The following PRRX2 variants were observed in gnomAD, a reference collection of about 807,000 sequenced individuals.
PRRX2 encodes paired mesoderm homeobox protein 2.
PRRX2 carries 11 observed loss-of-function variants against 18.0 expected under a neutral mutation model. The ratio of observed to expected loss-of-function variants is 0.61; its 90% CI spans 0.39 to 1.01. The LOEUF (loss-of-function observed/expected upper bound fraction) is 1.01, where lower values mean the gene tolerates loss of function less well. Among genes scored for constraint, PRRX2 ranks in the 50% least tolerant of loss-of-function variants. The pLI, the probability that PRRX2 is intolerant of heterozygous loss-of-function variation, is 0.01. For missense variants in PRRX2, 387 were observed against 351.0 expected (o/e 1.10, Z -0.82); for synonymous variants, 177 against 154.8 (o/e 1.14, Z -1.06).
intron 1 of PRRX2, 38 bp downstream of exon 1, chr9:129,666,164 G>A: frequency 2.0e-6 from 2 of 982,254 alleles, no homozygotes; most frequent in South Asian, 4.5e-5. Flanking sequence ...TGGCGGGGCC[G>A]GGGCCGGGGC....
rs768978462 is a variant in PRRX2 at position 129,709,057 on chromosome 9, C to T, written c.260-10174C>T. On this transcript the variant is annotated intron_variant, in intron 1 of 3. Transcript: ENST00000372469. The surrounding 1 kb of genome is among the most constrained non-coding windows in gnomAD (Gnocchi z 4.2). ...AGGAGACCTGCGCTTGTATGGGAGCCGGGAAGGCCTCTCAGGGCTGGGCAT... is the reference window on the plus strand; with the variant it reads ...AGGAGACCTGCGCTTGTATGGGAGCTGGGAAGGCCTCTCAGGGCTGGGCAT... Among the ~76,000 whole-genome samples, 156 of 152,272 alleles carry T rather than the reference C, an allele frequency of 1.0e-3. No homozygotes were observed. Among genetic ancestry groups the T allele is most frequent in the Non-Finnish European group, 1.9e-3 (130 of 68,014 alleles).
intron 1 of PRRX2, among the ~76,000 whole-genome samples, chr9:129,696,609 A>G (rs796544431): frequency 2.0e-5 from 3 of 152,330 alleles, no homozygotes; most frequent in African/African-American, 4.8e-5. Context: ...TTTTTAAAAA[A>G]TACATTTTAT....
At chr9:129,693,114 C>T (rs1478457920) in intron 1 of PRRX2, among the ~76,000 whole-genome samples, 1 of 152,094 alleles carries the variant, frequency 6.6e-6, no homozygotes, top group African/African-American at 2.4e-5. Flanking sequence ...TGGTATCTCA[C>T]TGTAGTTTTA....
chr9:129,691,002 T>C (rs1158052255), intron 1 of PRRX2, among the ~76,000 whole-genome samples: 1 of 151,986 alleles, frequency 6.6e-6, no homozygotes, highest in Non-Finnish European at 1.5e-5. Flanking sequence ...TTTAGAATTT[T>C]GGAAGCTGGT....
Position 129,695,690 on chromosome 9 carries a change from T to C in PRRX2, c.260-23541T>C, listed in dbSNP as rs1463219621. On this transcript the variant is annotated intron_variant, in intron 1 of 3. Coordinates refer to ENST00000372469, the MANE Select transcript of PRRX2 (RefSeq NM_016307.4). This position sits in a 1 kb window ranked among gnomAD's most constrained non-coding sequence, Gnocchi z 4.8. ...ACTTGGCTGGGAAGTCAAAAGGACT[T>C]TCCCGCTGCTTTCAGATGCTTAGGC... Among the ~76,000 whole-genome samples the C allele has an allele frequency of 6.6e-6, 1 of 152,230 alleles. No homozygotes were observed. Among genetic ancestry groups the C allele is most frequent in the Non-Finnish European group, 1.5e-5 (1 of 68,042 alleles).
At position 129,703,787 on chromosome 9, in the gene PRRX2, A is replaced by C. The variant is rs949013172; in HGVS notation, c.260-15444A>C. Among the ~76,000 whole-genome samples the C allele has an allele frequency of 5.9e-5, 9 of 152,306 alleles. No individual in the cohort carries two copies. The South Asian group carries it at 1.5e-3, about 25-fold the overall frequency. On this transcript the variant is annotated intron_variant, in intron 1 of 3. Coordinates refer to ENST00000372469, the MANE Select transcript of PRRX2 (RefSeq NM_016307.4). ...GACGCCATTGGAGCTTTGCCGAGCA[A>C]GGCTCAGACTCACATTTTCCAGCAC...
chr9:129,718,663 CCTT>C (rs1832745939), intron 1 of PRRX2: 1 of 152,352 alleles, frequency 6.6e-6, no homozygotes, highest in Non-Finnish European at 1.5e-5. Flanking sequence ...GACTCTTCCT[CCTT>C]AGGAATGATG....
chr9:129,668,963 A>G (rs909722946), intron 1 of PRRX2, among the ~76,000 whole-genome samples: 2 of 151,862 alleles, frequency 1.3e-5, no homozygotes, highest in Admixed American at 6.6e-5. Flanking sequence ...CCTGGCCAAG[A>G]TAGTGAAACT....
intron 1 of PRRX2, among the ~76,000 whole-genome samples, chr9:129,672,264 G>A (rs928929367): frequency 3.9e-5 from 6 of 152,200 alleles, no homozygotes; most frequent in Admixed American, 6.5e-5. Context: ...GAAGGAAGGC[G>A]TGAGGGGACG....
At chr9:129,684,533 CCCCA>C (rs1832280374) in intron 1 of PRRX2, among the ~76,000 whole-genome samples, 1 of 130,864 alleles carries the variant, frequency 7.6e-6, no homozygotes. Context: ...CCCACACACA[CCCCA>C]ACAGAAAAGA....
In PRRX2 at chr9:129,671,529, G is replaced by A. The variant is rs1832100272; in HGVS notation, c.259+5403G>A. Among the ~76,000 whole-genome samples, 1 of 152,206 alleles carries A rather than the reference G, an allele frequency of 6.6e-6. No individual in the cohort carries two copies. Among genetic ancestry groups the A allele is most frequent in the African/African-American group, 2.4e-5 (1 of 41,462 alleles). On this transcript the variant is annotated intron_variant, in intron 1 of 3. Coordinates refer to ENST00000372469, the MANE Select transcript of PRRX2 (RefSeq NM_016307.4). The surrounding 1 kb of genome is among the most constrained non-coding windows in gnomAD (Gnocchi z 4.0). Reference sequence around the variant, plus strand: ...TCCAGAAAAGCAGCTTGGAGCAGTAGTGACAGCGCCGGCTTACACACCTCC... The same window carrying A: ...TCCAGAAAAGCAGCTTGGAGCAGTAATGACAGCGCCGGCTTACACACCTCC...
chr9:129,703,872 C>G (rs1353087462), intron 1 of PRRX2, among the ~76,000 whole-genome samples: 1 of 152,200 alleles, frequency 6.6e-6, no homozygotes, highest in Non-Finnish European at 1.5e-5. Flanking sequence ...TTGAGCCTCT[C>G]TGGGAATGCA....
chr9:129,667,368 G>A (rs1315776655), intron 1 of PRRX2, among the ~76,000 whole-genome samples: 1 of 152,216 alleles, frequency 6.6e-6, no homozygotes, highest in African/African-American at 2.4e-5. Context: ...CCTCTGGTTT[G>A]TGCTGGGGGA....
At chr9:129,708,521 CTTTTTATTGAGCT>C (rs1185939813) in intron 1 of PRRX2, among the ~76,000 whole-genome samples, 1 of 152,126 alleles carries the variant, frequency 6.6e-6, no homozygotes, top group Non-Finnish European at 1.5e-5. Context: ...GGATATTTGT[CTTTTTATTGAGCT>C]GTAAGGGTTC....
chr9:129,666,022 C>A lies in PRRX2; in HGVS notation c.155C>A (p.Ala52Asp). 9.4e-7 allele frequency: 1 copy of A among 1,061,968 alleles called. No homozygotes were observed. The highest frequency in any genetic ancestry group is 5.6e-5 in the Admixed American group (1 of 17,896). The allele number at this position is 1,061,968 out of a possible 1,614,324, so 65.8% of individuals were successfully genotyped here. The change falls in exon 1 of 4, where the codon GCC (alanine) becomes GAC (aspartate). Residue 52 changes from alanine (A) to aspartate (D), a missense_variant. Physicochemically the swap from Ala to Asp is moderately radical, Grantham distance 126 (BLOSUM62 -2). Transcript: ENST00000372469. ...HLLDLEEVAA[A>D]GRLAARPGAR... is the part of the protein sequence containing the mutation. ...CTGGACCTGGAAGAGGTGGCGGCGGCCGGGCGGCTGGCGGCGCGCCCCGGG... is the reference window on the plus strand; with the variant it reads ...CTGGACCTGGAAGAGGTGGCGGCGGACGGGCGGCTGGCGGCGCGCCCCGGG...
At chr9:129,685,675 G>A (rs2130915579) in intron 1 of PRRX2, among the ~76,000 whole-genome samples, 1 of 152,306 alleles carries the variant, frequency 6.6e-6, no homozygotes, top group African/African-American at 2.4e-5. Context: ...TTGGAACTAA[G>A]TTAAAAACAA....
At chr9:129,707,117 A>C (rs1312310532) in intron 1 of PRRX2, among the ~76,000 whole-genome samples, 2 of 152,118 alleles carry the variant, frequency 1.3e-5, no homozygotes. Flanking sequence ...TTAGCCAGGC[A>C]TGGTGGCTGG....
chr9:129,680,257 T>G (rs998961347), intron 1 of PRRX2, among the ~76,000 whole-genome samples: 1 of 151,734 alleles, frequency 6.6e-6, no homozygotes, highest in Non-Finnish European at 1.5e-5. Context: ...CGAAGTTAGC[T>G]GGGCGTGGTG....
intron 1 of PRRX2, among the ~76,000 whole-genome samples, chr9:129,714,020 ATGATTCCATTGGTAGCTCACGCC>A (rs141272829): frequency 0.018 from 2,657 of 151,488 alleles, 81 homozygotes; most frequent in African/African-American, 0.06. Context: ...TGTGTGTAAA[ATGATTCCATTGGTAGCTCACGCC>A]TGTAATCCCA....
Sources: gnomAD v4.1 joint callset for allele counts (sites outside exome capture counted in the v4.1 genomes callset) on GRCh38, gnomAD v4.1.1 for gene constraint, Gnocchi (gnomAD v3.1) non-coding constraint, MANE v1.5 for transcripts, NCBI Gene and HGNC (gene_info 2026-07-23, HGNC 2026-07-21) for gene names.